CNTN1: variants seen among roughly 807,000 people sequenced by gnomAD.
CNTN1 encodes the protein contactin-1.
Under a neutral mutation model 126.4 loss-of-function variants are expected in CNTN1, and 38 were observed. That is an observed-to-expected ratio of 0.30 (90% CI 0.23 to 0.39). The LOEUF is 0.39. CNTN1 is among the 10% of genes least tolerant of loss of function. CNTN1 has a pLI of 1.00. For synonymous variants in CNTN1, 413 were observed against 422.6 expected, an observed-to-expected ratio of 0.98 and a Z score of 0.28; for missense variants, 1,009 against 1,248.4, an observed-to-expected ratio of 0.81 and a Z score of 2.89.
chr12:40,853,395 T>C (rs1329841220), intron 1 of CNTN1, among the ~76,000 whole-genome samples: 1 of 152,126 alleles, frequency 6.6e-6, no homozygotes, highest in Admixed American at 6.6e-5. Context: ...AGACCAAGAC[T>C]GGATTTTTGT....
At chr12:41,069,588 C>G (rs1234292020) in intron 23 of CNTN1, among the ~76,000 whole-genome samples, 4 of 151,046 alleles carry the variant, frequency 2.6e-5, no homozygotes, top group Admixed American at 1.3e-4. Context: ...CCTCCCCACT[C>G]CCCCCACCCC....
At chr12:40,979,495 A>C (rs1342449948) in intron 15 of CNTN1, among the ~76,000 whole-genome samples, 2 of 152,138 alleles carry the variant, frequency 1.3e-5, no homozygotes, top group Non-Finnish European at 2.9e-5. Context: ...GTATTACATT[A>C]ATTATGAAAA....
intron 1 of CNTN1, among the ~76,000 whole-genome samples, chr12:40,702,097 C>T (rs563300123): frequency 7.6e-5 from 6 of 79,150 alleles, no homozygotes; most frequent in African/African-American, 1.4e-4. Flanking sequence ...ATTTTTGTAT[C>T]GGATTTTTTT....
intron 1 of CNTN1, among the ~76,000 whole-genome samples, chr12:40,772,089 T>C (rs1718004866): frequency 6.6e-6 from 1 of 152,074 alleles, no homozygotes; most frequent in East Asian, 1.9e-4. Context: ...TAATTTTGGC[T>C]TCACCTCCAA....
chr12:41,038,173 T>C (rs1949311305), intron 23 of CNTN1, among the ~76,000 whole-genome samples: 1 of 152,004 alleles, frequency 6.6e-6, no homozygotes, highest in Admixed American at 6.6e-5. Flanking sequence ...AATGAATAAA[T>C]AAATAAATAA....
At chr12:40,784,313 A>T (rs563658789) in intron 1 of CNTN1, among the ~76,000 whole-genome samples, 1 of 152,154 alleles carries the variant, frequency 6.6e-6, no homozygotes, top group Non-Finnish European at 1.5e-5. Context: ...AGTTCCCCCA[A>T]TAGTAGTACT....
In CNTN1 at chr12:41,071,793, T is replaced by C. The variant is rs1373739070; in HGVS notation, c.*1758T>C. 6.6e-6 allele frequency: 1 copy of C among 152,214 alleles called. No individual in the cohort carries two copies. Among genetic ancestry groups the C allele is most frequent in the East Asian group, 1.9e-4 (1 of 5,202 alleles). 9.4% of individuals were successfully genotyped at this position (152,214 alleles called of 1,614,324 possible). A position where few individuals can be genotyped will look rare whatever the true frequency, so the allele number is the denominator to read the frequency against. ...AAAGAAACAAAATGTCTTCATACTT[T>C]AGGGAAACGAATACCCTGTATACCT... On this transcript the variant is annotated 3_prime_UTR_variant, in exon 24 of 24. Transcript: ENST00000551295.
chr12:40,963,417 G>A (rs192931128), intron 15 of CNTN1, among the ~76,000 whole-genome samples: 158 of 152,092 alleles, frequency 1.0e-3, no homozygotes, highest in African/African-American at 3.7e-3. Context: ...GTTGGTGAAA[G>A]GAGTAATTTC....
intron 5 of CNTN1, 22 bp downstream of exon 5, chr12:40,922,450 A>G: frequency 6.2e-7 from 1 of 1,612,018 alleles, no homozygotes; most frequent in Non-Finnish European, 8.5e-7. Context: ...GTAACTTTTA[A>G]AAAAGGGCAA....
In CNTN1 at chr12:40,977,163, T is replaced by C. The variant is rs78665309; in HGVS notation, c.1805-3746T>C. On this transcript the variant is annotated intron_variant, in intron 15 of 23. Transcript: ENST00000551295. ...GGTGGGACAACTCAAAATGGGGGGC[T>C]TCCAGATCAGAGGTAGATTTAAGGA... Among the ~76,000 whole-genome samples the C allele has an allele frequency of 4.7e-3, 716 of 152,188 alleles. 20 individuals carry two copies. In the East Asian group the frequency reaches 0.066, roughly 14 times the overall value.
intron 15 of CNTN1, among the ~76,000 whole-genome samples, chr12:40,970,468 G>A (rs1400990240): frequency 6.6e-6 from 1 of 151,968 alleles, no homozygotes; most frequent in Admixed American, 6.6e-5. Flanking sequence ...GTCAGCATAG[G>A]CAAGTTTTCC....
intron 1 of CNTN1, among the ~76,000 whole-genome samples, chr12:40,711,451 C>T (rs548625718): frequency 1.3e-5 from 2 of 152,222 alleles, no homozygotes; most frequent in South Asian, 4.1e-4. Context: ...TTAGGGACCT[C>T]ACTGTATTCA....
chr12:40,993,071 T>G (rs751838158), intron 16 of CNTN1, 49 bp from the exon 17 acceptor site: 17 of 1,531,108 alleles, frequency 1.1e-5, no homozygotes, highest in Middle Eastern at 1.7e-4. Context: ...GTTATAAAAG[T>G]GATAAGTTAA....
chr12:40,760,689 G>T (rs1428608428), intron 1 of CNTN1, among the ~76,000 whole-genome samples: 2 of 151,950 alleles, frequency 1.3e-5, no homozygotes, highest in South Asian at 2.1e-4. Flanking sequence ...TATTTACATG[G>T]TTCAATGAAA....
At chr12:41,010,942 T>A (rs1352331015) in intron 17 of CNTN1, among the ~76,000 whole-genome samples, 1 of 152,128 alleles carries the variant, frequency 6.6e-6, no homozygotes, top group African/African-American at 2.4e-5. Context: ...CCTTATCTCC[T>A]TTTTCCTTTT....
chr12:40,945,994 T>C (rs554700124), intron 14 of CNTN1, among the ~76,000 whole-genome samples: 15 of 152,274 alleles, frequency 9.9e-5, no homozygotes, highest in Non-Finnish European at 1.6e-4. Flanking sequence ...ATAAGCATCT[T>C]AATTGAATCA....
At position 40,723,382 on chromosome 12, in the gene CNTN1, T is replaced by A. The variant is rs74318824; in HGVS notation, c.-77+30790T>A. Among the ~76,000 whole-genome samples the A allele has an allele frequency of 2.0e-3, 310 of 152,326 alleles. 5 individuals carry two copies. The East Asian group carries it at 0.046, about 22-fold the overall frequency. Reference sequence around the variant, plus strand: ...AACCTCAGCTGCTTTACGCTTTCAGTTTTATTAACCCGAAAGCCTCCAAGA... The same window carrying A: ...AACCTCAGCTGCTTTACGCTTTCAGATTTATTAACCCGAAAGCCTCCAAGA... On this transcript the variant is annotated intron_variant, in intron 1 of 23. Transcript: ENST00000551295.
chr12:40,756,388 G>A (rs776232267), intron 1 of CNTN1, among the ~76,000 whole-genome samples: 4 of 152,062 alleles, frequency 2.6e-5, no homozygotes, highest in Admixed American at 6.6e-5. Context: ...GAGCTGCAGT[G>A]GCATGGATGA....
At chr12:40,779,869 T>G (rs1280401236) in intron 1 of CNTN1, among the ~76,000 whole-genome samples, 1 of 151,962 alleles carries the variant, frequency 6.6e-6, no homozygotes, top group East Asian at 1.9e-4. Flanking sequence ...CACAGATGAG[T>G]GCAGTTCAAA....
Sources: allele counts gnomAD v4.1 joint callset (sites outside exome capture counted in the v4.1 genomes callset), GRCh38; gene constraint gnomAD v4.1.1; transcripts MANE v1.5; gene names NCBI Gene and HGNC (gene_info 2026-07-23, HGNC 2026-07-21).